DLG1: variants seen among roughly 807,000 people sequenced by gnomAD.
The protein encoded by DLG1 is disks large homolog 1.
DLG1 carries 42 observed loss-of-function variants against 123.4 expected under a neutral mutation model. The observed-to-expected ratio is 0.34, with a 90% confidence interval of 0.27 to 0.44. The LOEUF is 0.44. Among genes scored for constraint, DLG1 ranks in the 20% least tolerant of loss-of-function variants. The pLI is 1.00. For missense variants in DLG1, 942 were observed against 1,082.6 expected (o/e 0.87, Z 1.82); for synonymous variants, 317 against 356.2 (o/e 0.89, Z 1.24).
At chr3:197,083,631 T>A (rs1161919603) in intron 16 of DLG1, among the ~76,000 whole-genome samples, 1 of 152,200 alleles carries the variant, frequency 6.6e-6, no homozygotes. Flanking sequence ...CTACTTTTGC[T>A]ATGTGCTAAG....
chr3:197,077,482 A>C (rs1209773815), intron 17 of DLG1, among the ~76,000 whole-genome samples: 1 of 152,118 alleles, frequency 6.6e-6, no homozygotes, highest in Non-Finnish European at 1.5e-5. Flanking sequence ...ATTTATTCTT[A>C]AGTTCTACTC....
At chr3:197,267,079 G>A (rs758006917) in intron 4 of DLG1, among the ~76,000 whole-genome samples, 13 of 152,272 alleles carry the variant, frequency 8.5e-5, no homozygotes, top group Middle Eastern at 3.4e-3. Context: ...GCAGGAGAAC[G>A]TGATTACAGT....
chr3:197,082,411 C>T (rs1291035013), intron 16 of DLG1, among the ~76,000 whole-genome samples: 3 of 152,106 alleles, frequency 2.0e-5, no homozygotes, highest in South Asian at 2.1e-4. Flanking sequence ...ATGATTTTTA[C>T]GATTCAAGAA....
chr3:197,134,003 C>T (rs1783910746), intron 10 of DLG1, among the ~76,000 whole-genome samples: 1 of 152,172 alleles, frequency 6.6e-6, no homozygotes, highest in Non-Finnish European at 1.5e-5. Flanking sequence ...TCTCCTACCA[C>T]CAAAGCCAGT....
intron 4 of DLG1, among the ~76,000 whole-genome samples, chr3:197,214,109 G>T (rs1220874434): frequency 6.6e-6 from 1 of 151,968 alleles, no homozygotes; most frequent in Non-Finnish European, 1.5e-5. Flanking sequence ...AATCAGTAGG[G>T]GAATGATGGA....
In DLG1 at chr3:197,201,720, A is replaced by G. The variant is rs536918765; in HGVS notation, c.319-7131T>C. On this transcript the variant is annotated intron_variant, in intron 4 of 24. Transcript: ENST00000667157. ...CCATGCTCATGGATCAGAAGAATGA[A>G]TATAGTTAAAATGACCACGTTGCCC... is the stretch of plus-strand genomic sequence containing the variant. Among the ~76,000 whole-genome samples, 73 of 152,320 alleles carry G rather than the reference A, an allele frequency of 4.8e-4. 1 individual carries two copies. In the South Asian group the frequency reaches 0.015, roughly 31 times the overall value.
chr3:197,195,919 A>C (rs549141463), intron 4 of DLG1, among the ~76,000 whole-genome samples: 1 of 152,014 alleles, frequency 6.6e-6, no homozygotes, highest in African/African-American at 2.4e-5. Context: ...AGAGGAAAAA[A>C]CGCTCAGCTT....
intron 14 of DLG1, among the ~76,000 whole-genome samples, chr3:197,102,142 G>C (rs189919859): frequency 1.8e-4 from 27 of 152,300 alleles, no homozygotes; most frequent in African/African-American, 3.9e-4. Context: ...TAATAAAACT[G>C]AAAGGAGTTA....
intron 13 of DLG1, among the ~76,000 whole-genome samples, chr3:197,109,965 T>C (rs1579388412): frequency 6.6e-6 from 1 of 152,368 alleles, no homozygotes; most frequent in East Asian, 1.9e-4. Flanking sequence ...AATGTGTCTA[T>C]GTTGTAGATC....
At chr3:197,101,511 G>A (rs1021453033) in intron 14 of DLG1, among the ~76,000 whole-genome samples, 9 of 151,660 alleles carry the variant, frequency 5.9e-5, no homozygotes, top group East Asian at 2.0e-4. Flanking sequence ...TCAGCCTCGC[G>A]AGCAGCTGGG....
chr3:197,207,875 TTATAAC>T (rs1376092649), intron 4 of DLG1, among the ~76,000 whole-genome samples: 3 of 145,792 alleles, frequency 2.1e-5, no homozygotes, highest in South Asian at 2.6e-4. Flanking sequence ...AGAAATTCTT[TTATAAC>T]TATAACAAAG....
intron 18 of DLG1, among the ~76,000 whole-genome samples, chr3:197,074,632 TA>T (rs944782324): frequency 6.6e-6 from 1 of 152,098 alleles, no homozygotes; most frequent in African/African-American, 2.4e-5. Context: ...TTTTCATTGA[TA>T]ATTTTCCCCA....
At chr3:197,231,889 A>T (rs2150620271) in intron 4 of DLG1, among the ~76,000 whole-genome samples, 1 of 152,318 alleles carries the variant, frequency 6.6e-6, no homozygotes, top group Admixed American at 6.5e-5. Context: ...AGCTGCTTTC[A>T]CAGTTGAAGA....
At chr3:197,138,165 G>C in intron 9 of DLG1, 57 bp downstream of exon 9, 5 of 1,085,112 alleles carry the variant, frequency 4.6e-6, no homozygotes, top group Non-Finnish European at 6.3e-6. Flanking sequence ...AAAGTTCATA[G>C]GTATATTTAA....
chr3:197,223,873 T>C (rs535099712), intron 4 of DLG1, among the ~76,000 whole-genome samples: 9 of 152,196 alleles, frequency 5.9e-5, no homozygotes, highest in Non-Finnish European at 1.2e-4. Flanking sequence ...TTTGCATCTA[T>C]CAAAATACAC....
In DLG1 at chr3:197,177,019, T is replaced by C. The variant is rs139036457; in HGVS notation, c.483+17406A>G. Among the ~76,000 whole-genome samples, 1,285 of 152,084 alleles carry C rather than the reference T, an allele frequency of 8.4e-3. 18 individuals are homozygous for C. Among genetic ancestry groups the C allele is most frequent in the African/African-American group, 0.029 (1,217 of 41,558 alleles). On this transcript the variant is annotated intron_variant, in intron 5 of 24. Transcript: ENST00000667157. Reference sequence around the variant, plus strand: ...ATTTATTGTACAAATGATAAAAATGTGTTGAAACAGTGTTTAAGAACCAAT... The same window carrying C: ...ATTTATTGTACAAATGATAAAAATGCGTTGAAACAGTGTTTAAGAACCAAT...
At chr3:197,128,991 G>A (rs976053867) in intron 11 of DLG1, among the ~76,000 whole-genome samples, 1 of 152,168 alleles carries the variant, frequency 6.6e-6, no homozygotes, top group Non-Finnish European at 1.5e-5. Context: ...AGGCAGACAG[G>A]CTTAGCATAA....
At position 197,253,737 on chromosome 3, in the gene DLG1, G is replaced by A. The variant is rs551678814; in HGVS notation, c.318+28942C>T. Among the ~76,000 whole-genome samples, 9 of 152,252 alleles carry A rather than the reference G, an allele frequency of 5.9e-5. No individual in the cohort carries two copies. The South Asian group carries it at 1.7e-3, about 28-fold the overall frequency. ...AGGTGTGGCTACAAAAAGGCCTCGA[G>A]TGATCTTTGTGGTGACAGAAATGTT... On this transcript the variant is annotated intron_variant, in intron 4 of 24. Transcript: ENST00000667157.
At chr3:197,116,752 A>G (rs1176979579) in intron 12 of DLG1, among the ~76,000 whole-genome samples, 2 of 152,178 alleles carry the variant, frequency 1.3e-5, no homozygotes, top group Non-Finnish European at 1.5e-5. Flanking sequence ...GACATATTAT[A>G]ATCAGGAAGG....
Sources: allele counts gnomAD v4.1 joint callset (sites outside exome capture counted in the v4.1 genomes callset), GRCh38; gene constraint gnomAD v4.1.1; transcripts MANE v1.5; gene names NCBI Gene and HGNC (gene_info 2026-07-23, HGNC 2026-07-21).